The following TMPRSS11F variants were observed in gnomAD, a reference collection of about 807,000 sequenced individuals.
TMPRSS11F encodes the protein transmembrane serine protease 11F.
Under a neutral mutation model 60.2 loss-of-function variants are expected in TMPRSS11F, and 47 were observed. That is an observed-to-expected ratio of 0.78 (90% CI 0.62 to 1.00). The LOEUF is 1.00. Ranked by LOEUF, TMPRSS11F falls within the 50% of genes least tolerant of loss-of-function variation. The pLI is 0.00. For synonymous variants in TMPRSS11F, 166 were observed against 167.3 expected (o/e 0.99, Z 0.06); for missense variants, 519 against 522.9 (o/e 0.99, Z 0.07).
At chr4:68,114,095 T>A (rs1267199326) in intron 1 of TMPRSS11F, among the ~76,000 whole-genome samples, 1 of 151,852 alleles carries the variant, frequency 6.6e-6, no homozygotes, top group Admixed American at 6.6e-5. Context: ...ACATAAAAAA[T>A]TTGGGAGATG....
intron 1 of TMPRSS11F, among the ~76,000 whole-genome samples, chr4:68,124,945 A>ATTT (rs370189875): frequency 0.15 from 14,265 of 93,800 alleles, 1,624 homozygotes; most frequent in East Asian, 0.26. Context: ...CTAAACCAGC[A>ATTT]TTTTTTTTTT....
intron 4 of TMPRSS11F, among the ~76,000 whole-genome samples, chr4:68,072,861 A>G (rs971966292): frequency 6.6e-6 from 1 of 152,112 alleles, no homozygotes; most frequent in African/African-American, 2.4e-5. Flanking sequence ...AACTAATGTC[A>G]TTATTCTTTA....
chr4:68,073,395 A>G (rs942125967), intron 4 of TMPRSS11F, among the ~76,000 whole-genome samples: 3 of 152,170 alleles, frequency 2.0e-5, no homozygotes, highest in Non-Finnish European at 4.4e-5. Flanking sequence ...TGAGAGATAA[A>G]AGAAAAGAAG....
At chr4:68,102,158 T>G (rs1724205064) in intron 1 of TMPRSS11F, among the ~76,000 whole-genome samples, 3 of 152,110 alleles carry the variant, frequency 2.0e-5, no homozygotes, top group Admixed American at 1.3e-4. Flanking sequence ...AGGATCTTGG[T>G]TTTTTGGGGG....
At chr4:68,078,782 A>G (rs901684595) in intron 3 of TMPRSS11F, among the ~76,000 whole-genome samples, 4 of 152,062 alleles carry the variant, frequency 2.6e-5, no homozygotes, top group African/African-American at 4.8e-5. Context: ...TCAGGTTTGG[A>G]TCAGTTCTGA....
In TMPRSS11F at chr4:68,070,629, T is replaced by C. The variant is rs548204042; in HGVS notation, c.515-622A>G. On this transcript the variant is annotated intron_variant, in intron 5 of 9. Transcript: ENST00000356291. ...TTTCACATACAACCAGTCCAGAGACTCCAGCCATACACAAACTTTCACTTC... is the reference window on the plus strand; with the variant it reads ...TTTCACATACAACCAGTCCAGAGACCCCAGCCATACACAAACTTTCACTTC... 1.4e-4 allele frequency among the ~76,000 whole-genome samples: 22 copies of C among 152,354 alleles called. No homozygotes were observed. In the South Asian group the frequency reaches 3.5e-3, roughly 24 times the overall value.
In TMPRSS11F at chr4:68,076,523, G is replaced by T. The variant is rs566210173; in HGVS notation, c.283-2514C>A. Among the ~76,000 whole-genome samples the T allele has an allele frequency of 5.3e-5, 8 of 152,286 alleles. No homozygotes were observed. In the East Asian group the frequency reaches 1.2e-3, roughly 22 times the overall value. ...TTCTGGGATAGGTAGCTCTATTGGG[G>T]TAGCTATAGTCTCTTTGTACCCTTT... On this transcript the variant is annotated intron_variant, in intron 3 of 9. Coordinates refer to ENST00000356291, the MANE Select transcript of TMPRSS11F (RefSeq NM_207407.2).
intron 2 of TMPRSS11F, among the ~76,000 whole-genome samples, chr4:68,096,248 CGTTTT>C (rs1724073563): frequency 6.6e-6 from 1 of 152,084 alleles, no homozygotes; most frequent in Non-Finnish European, 1.5e-5. Context: ...AATACGATTT[CGTTTT>C]AAGACATTTT....
chr4:68,089,967 A>G (rs932639308), intron 3 of TMPRSS11F, among the ~76,000 whole-genome samples: 1 of 152,144 alleles, frequency 6.6e-6, no homozygotes, highest in Non-Finnish European at 1.5e-5. Context: ...AAAATGGAAG[A>G]CTATTCTCTT....
chr4:68,055,009 G>A (rs1455125117), intron 9 of TMPRSS11F, among the ~76,000 whole-genome samples: 2 of 152,172 alleles, frequency 1.3e-5, no homozygotes, highest in African/African-American at 4.8e-5. Context: ...GCTGATATCT[G>A]AAGGAAGAAG....
chr4:68,113,839 C>T (rs1724459300), intron 1 of TMPRSS11F, among the ~76,000 whole-genome samples: 1 of 152,024 alleles, frequency 6.6e-6, no homozygotes. Context: ...CATTATCTTC[C>T]ACTGCATATA....
chr4:68,104,544 C>T (rs1160078691), intron 1 of TMPRSS11F, among the ~76,000 whole-genome samples: 1 of 152,086 alleles, frequency 6.6e-6, no homozygotes, highest in Non-Finnish European at 1.5e-5. Flanking sequence ...GAAGGACATG[C>T]TTGCTTCACC....
At chr4:68,056,171 C>T (rs367839873) in intron 9 of TMPRSS11F, among the ~76,000 whole-genome samples, 5 of 151,956 alleles carry the variant, frequency 3.3e-5, no homozygotes, top group South Asian at 2.1e-4. Context: ...TGGAAGTTGT[C>T]GCTAGAGAAA....
intron 2 of TMPRSS11F, among the ~76,000 whole-genome samples, chr4:68,091,161 G>C (rs1429485065): frequency 2.0e-5 from 3 of 152,014 alleles, no homozygotes; most frequent in African/African-American, 7.2e-5. Flanking sequence ...CACTAAAGCT[G>C]TCTTTTTCAA....
intron 3 of TMPRSS11F, among the ~76,000 whole-genome samples, chr4:68,082,264 C>A (rs1723711151): frequency 6.6e-6 from 1 of 152,146 alleles, no homozygotes; most frequent in Non-Finnish European, 1.5e-5. Context: ...ATCCCACAAC[C>A]CCCATAGATA....
chr4:68,087,173 A>G (rs771093382), intron 3 of TMPRSS11F, among the ~76,000 whole-genome samples: 7 of 152,146 alleles, frequency 4.6e-5, no homozygotes, highest in Non-Finnish European at 8.8e-5. Flanking sequence ...AATTTGCCAC[A>G]ATCAAGTAGG....
At chr4:68,061,213 A>G (rs958104224) in intron 8 of TMPRSS11F, among the ~76,000 whole-genome samples, 9 of 152,206 alleles carry the variant, frequency 5.9e-5, no homozygotes, top group African/African-American at 2.2e-4. Flanking sequence ...CACATCATAC[A>G]ACTTTTACAT....
chr4:68,092,579 G>T (rs905036666), intron 2 of TMPRSS11F, among the ~76,000 whole-genome samples: 5 of 152,102 alleles, frequency 3.3e-5, no homozygotes, highest in African/African-American at 7.2e-5. Flanking sequence ...ATGCGTGGAT[G>T]AATTAATCAA....
chr4:68,053,866 A>G lies in TMPRSS11F; in HGVS notation c.*43T>C. The G allele has an allele frequency of 6.4e-7, 1 of 1,562,966 alleles. No homozygotes were observed. Among genetic ancestry groups the G allele is most frequent in the Non-Finnish European group, 8.7e-7 (1 of 1,143,308 alleles). ...TAAACAATACAAAATACGCAGGAGT[A>G]TCAGCTCTGTGTGCCATGTGTATAA... On this transcript the variant is annotated 3_prime_UTR_variant, in exon 10 of 10. Transcript: ENST00000356291.
Sources: allele counts gnomAD v4.1 joint callset (sites outside exome capture counted in the v4.1 genomes callset), GRCh38; gene constraint gnomAD v4.1.1; transcripts MANE v1.5; gene names NCBI Gene and HGNC (gene_info 2026-07-23, HGNC 2026-07-21).